SHTN1: variants seen among roughly 807,000 people sequenced by gnomAD.
The protein encoded by SHTN1 is shootin-1.
Under a neutral mutation model 83.1 loss-of-function variants are expected in SHTN1, and 42 were observed. The ratio of observed to expected loss-of-function variants is 0.51; its 90% CI spans 0.39 to 0.65. SHTN1 has a LOEUF of 0.65. SHTN1 is among the 30% of genes least tolerant of loss of function. The probability of loss-of-function intolerance (pLI) is 0.00; values close to 1 mark genes in which losing one functional copy is unlikely to be tolerated. For missense variants in SHTN1, 622 were observed against 737.8 expected, an observed-to-expected ratio of 0.84 and a Z score of 1.82; for synonymous variants, 224 against 247.7, an observed-to-expected ratio of 0.90 and a Z score of 0.90.
chr10:116,893,995 A>G (rs1168619068), intron 16 of SHTN1, among the ~76,000 whole-genome samples: 2 of 152,246 alleles, frequency 1.3e-5, no homozygotes, highest in Non-Finnish European at 2.9e-5. Context: ...TTAGTTTCAC[A>G]TCAGAAATAC....
At chr10:116,909,693 A>G (rs984851401) in intron 14 of SHTN1, among the ~76,000 whole-genome samples, 1 of 152,226 alleles carries the variant, frequency 6.6e-6, no homozygotes, top group Non-Finnish European at 1.5e-5. Context: ...TGTTCAACTC[A>G]GAAAATAGAA....
At chr10:116,960,365 T>C (rs1850142512) in intron 3 of SHTN1, 135 bp from the exon 4 acceptor site, 2 of 551,142 alleles carry the variant, frequency 3.6e-6, no homozygotes, top group Non-Finnish European at 6.5e-6. Context: ...TGAAAAAAGG[T>C]TTTTGAGAAG....
At chr10:117,113,515 G>A (rs1379646035) in intron 1 of SHTN1, among the ~76,000 whole-genome samples, 1 of 152,152 alleles carries the variant, frequency 6.6e-6, no homozygotes, top group Non-Finnish European at 1.5e-5. Context: ...CTTTCTCTCA[G>A]GATCCAAAAG....
chr10:117,020,127 A>G (rs1369182247), intron 2 of SHTN1, among the ~76,000 whole-genome samples: 1 of 152,174 alleles, frequency 6.6e-6, no homozygotes, highest in Admixed American at 6.5e-5. Context: ...TGCAAAAGGA[A>G]TTGAAGACTT....
rs569603916 is a variant in SHTN1 at position 116,990,504 on chromosome 10, G to C, written c.59-11196C>G. Reference sequence around the variant, plus strand: ...AAAACATGTTTGTCCAGCCATTCCAGCTCTCAAGGAACATTCTCTTAATTG... The same window carrying C: ...AAAACATGTTTGTCCAGCCATTCCACCTCTCAAGGAACATTCTCTTAATTG... On this transcript the variant is annotated intron_variant, in intron 1 of 16. Transcript: ENST00000355371. Among the ~76,000 whole-genome samples, 6 of 152,130 alleles carry C rather than the reference G, an allele frequency of 3.9e-5. No individual in the cohort carries two copies. The East Asian group carries it at 1.2e-3, about 30-fold the overall frequency.
intron 3 of SHTN1, among the ~76,000 whole-genome samples, chr10:116,962,859 T>C (rs1564901049): frequency 1.3e-5 from 2 of 152,098 alleles, no homozygotes; most frequent in African/African-American, 2.4e-5. Flanking sequence ...GCTAAACTGG[T>C]AGCATAACAA....
chr10:117,054,813 G>A (rs987167443), intron 1 of SHTN1, among the ~76,000 whole-genome samples: 13 of 151,986 alleles, frequency 8.6e-5, no homozygotes, highest in East Asian at 1.9e-4. Flanking sequence ...CACCTATAGC[G>A]TGTAAGACTC....
intron 1 of SHTN1, among the ~76,000 whole-genome samples, chr10:117,078,391 T>A (rs1259064661): frequency 6.6e-6 from 1 of 152,166 alleles, no homozygotes; most frequent in South Asian, 2.1e-4. Flanking sequence ...TGGTATGTAA[T>A]CTTGTGGCCA....
chr10:116,922,705 G>A (rs995067249), intron 11 of SHTN1, among the ~76,000 whole-genome samples: 1 of 152,114 alleles, frequency 6.6e-6, no homozygotes, highest in South Asian at 2.1e-4. Context: ...TGGCTCACAC[G>A]TGTAATCCCA....
chr10:117,065,801 GAA>G (rs1852983994), intron 1 of SHTN1, among the ~76,000 whole-genome samples: 1 of 34,534 alleles, frequency 2.9e-5, no homozygotes, highest in Non-Finnish European at 5.5e-5. Flanking sequence ...AGGAAGGAAG[GAA>G]GGAAGGAAGG....
chr10:116,904,607 CTAAAATAATACAAATATTTGTA>C (rs912058791), intron 15 of SHTN1, among the ~76,000 whole-genome samples: 3 of 151,942 alleles, frequency 2.0e-5, no homozygotes, highest in Admixed American at 2.0e-4. Context: ...TCTAACTGCC[CTAAAATAATACAAATATTTGTA>C]TATTGGTGGA....
chr10:117,003,904 T>A (rs114865751), intron 1 of SHTN1, among the ~76,000 whole-genome samples: 2,565 of 152,250 alleles, frequency 0.017, 64 homozygotes, highest in African/African-American at 0.05. Flanking sequence ...TATTATTATT[T>A]TTTTTTGGAG....
intron 16 of SHTN1, among the ~76,000 whole-genome samples, chr10:116,890,553 T>C (rs1344204014): frequency 1.3e-5 from 2 of 152,212 alleles, no homozygotes; most frequent in East Asian, 1.9e-4. Context: ...TTTTCACGGG[T>C]CATATTAGAC....
At chr10:117,059,655 A>G (rs1475241751) in intron 1 of SHTN1, among the ~76,000 whole-genome samples, 1 of 152,194 alleles carries the variant, frequency 6.6e-6, no homozygotes, top group African/African-American at 2.4e-5. Context: ...TTTGTATAAG[A>G]TTCTTGAAAT....
chr10:117,082,876 T>G (rs559602600), intron 1 of SHTN1, among the ~76,000 whole-genome samples: 1 of 151,504 alleles, frequency 6.6e-6, no homozygotes, highest in South Asian at 2.1e-4. Flanking sequence ...TTTTTTTGTT[T>G]TCCATTTGCT....
chr10:116,973,734 C>T, intron 2 of SHTN1: 1 of 469,826 alleles, frequency 2.1e-6, no homozygotes, highest in Non-Finnish European at 3.8e-6. Context: ...GCCTACAACG[C>T]CACTAAGTCT....
rs530381076 is a variant in SHTN1 at position 116,910,494 on chromosome 10, T to C, written c.1359+1296A>G. Among the ~76,000 whole-genome samples the C allele has an allele frequency of 7.2e-5, 11 of 152,332 alleles. No homozygotes were observed. The South Asian group carries it at 2.1e-3, about 29-fold the overall frequency. ...AGAGTAATGCTGTAATTCAGTAAACTTGCTACCATGCAGCATTCTCAGAGA... is the reference window on the plus strand; with the variant it reads ...AGAGTAATGCTGTAATTCAGTAAACCTGCTACCATGCAGCATTCTCAGAGA... On this transcript the variant is annotated intron_variant, in intron 14 of 16. Transcript: ENST00000355371.
intron 1 of SHTN1, among the ~76,000 whole-genome samples, chr10:117,057,127 T>C (rs1852835737): frequency 6.6e-6 from 1 of 152,072 alleles, no homozygotes; most frequent in African/African-American, 2.4e-5. Context: ...TCAAGAAATC[T>C]AGAATCAAAA....
chr10:116,899,517 G>A (rs1011463174), intron 16 of SHTN1, among the ~76,000 whole-genome samples: 22 of 82,468 alleles, frequency 2.7e-4, no homozygotes, highest in Admixed American at 6.3e-4. Flanking sequence ...GTGTGTGTGT[G>A]TGTGTGTGTG....
Sources: allele counts gnomAD v4.1 joint callset (sites outside exome capture counted in the v4.1 genomes callset), GRCh38; gene constraint gnomAD v4.1.1; transcripts MANE v1.5; gene names NCBI Gene and HGNC (gene_info 2026-07-23, HGNC 2026-07-21).